Variants in RSL24D1 observed in about 807,000 individuals in gnomAD.
RSL24D1 encodes ribosomal L24 domain containing 1, also known as probable ribosome biogenesis protein RLP24.
RSL24D1 carries 6 observed loss-of-function variants against 26.2 expected under a neutral mutation model. That is an observed-to-expected ratio of 0.23 (90% confidence interval 0.13 to 0.45). The LOEUF (loss-of-function observed/expected upper bound fraction) is 0.45. RSL24D1 is among the 20% of genes least tolerant of loss of function. The pLI, the probability that RSL24D1 is intolerant of heterozygous loss-of-function variation, is 0.99. For missense variants in RSL24D1, 176 were observed against 202.6 expected (o/e 0.87, Z 0.80); for synonymous variants, 61 against 59.1 (o/e 1.03, Z -0.15).
intron 4 of RSL24D1, among the ~76,000 whole-genome samples, chr15:55,184,873 C>T (rs912836698): frequency 1.3e-5 from 2 of 152,056 alleles, no homozygotes; most frequent in African/African-American, 4.8e-5. Flanking sequence ...AATTGAAGAA[C>T]GTTCTATACA....
At chr15:55,190,759 T>A (rs1346980990) in intron 3 of RSL24D1, among the ~76,000 whole-genome samples, 1 of 152,022 alleles carries the variant, frequency 6.6e-6, no homozygotes, top group Non-Finnish European at 1.5e-5. Context: ...AAGTTAATAA[T>A]TACATTATTT....
At chr15:55,196,734 G>T in intron 1 of RSL24D1, 76 bp downstream of exon 1, 2 of 1,398,286 alleles carry the variant, frequency 1.4e-6, no homozygotes, top group Non-Finnish European at 2.0e-6. Flanking sequence ...AGACGCAGAA[G>T]CACCCAGCAC....
rs1894189951 is a variant in RSL24D1 at position 55,183,306 on chromosome 15, AG to A, written c.418+8del. On this transcript the variant is annotated splice_region_variant and intron_variant, in intron 5 of 5. Coordinates refer to ENST00000260443, the MANE Select transcript of RSL24D1 (RefSeq NM_016304.3). ...CCACAAAAATCTAGATGTGCAATGT[AG>A]TACTCACCTGCAAGAGGGGCTCGGA... 6.2e-7 allele frequency: 1 copy of A among 1,608,702 alleles called. No individual in the cohort carries two copies.
intron 3 of RSL24D1, among the ~76,000 whole-genome samples, chr15:55,188,194 C>G (rs906349047): frequency 1.3e-5 from 2 of 152,146 alleles, no homozygotes; most frequent in Admixed American, 6.5e-5. Flanking sequence ...TGTGGAGAAT[C>G]AATGAATCTC....
At chr15:55,184,044 T>G (rs1245999397) in intron 4 of RSL24D1, among the ~76,000 whole-genome samples, 1 of 152,220 alleles carries the variant, frequency 6.6e-6, no homozygotes, top group Non-Finnish European at 1.5e-5. Flanking sequence ...TCACATGATA[T>G]TCAATAGAAA....
intron 3 of RSL24D1, among the ~76,000 whole-genome samples, chr15:55,188,523 T>G (rs1894248337): frequency 1.3e-5 from 2 of 152,244 alleles, no homozygotes. Context: ...ACTCAGTAAG[T>G]GCACCTAGAG....
At chr15:55,194,145 G>A (rs1475612575) in intron 1 of RSL24D1, 1 of 152,030 alleles carries the variant, frequency 6.6e-6, no homozygotes, top group African/African-American at 2.4e-5. Flanking sequence ...TTAACTAATA[G>A]GTATTACCTG....
intron 1 of RSL24D1, among the ~76,000 whole-genome samples, chr15:55,194,570 C>G (rs1347677336): frequency 6.6e-6 from 1 of 152,090 alleles, no homozygotes. Flanking sequence ...CAAAGTTCTT[C>G]AAACCTTTCT....
intron 1 of RSL24D1, chr15:55,196,320 G>A (rs1307621149): frequency 2.2e-6 from 1 of 456,568 alleles, no homozygotes; most frequent in East Asian, 6.9e-5. Context: ...CCTCTATGCT[G>A]AGTCTTTCCG....
rs777526919 is a variant in RSL24D1, at chr15:55,196,880, T to C, written c.11A>G (p.Glu4Gly). The change falls in exon 1 of 6, where the codon GAA becomes GGA. Residue 4 changes from glutamate (E) to glycine (G), a missense_variant. Glu to Gly is a moderately conservative substitution (Grantham distance 98, BLOSUM62 -2). This residue lies in a region of RSL24D1 where 44 missense variants were observed against 28.8 expected (regional missense o/e 1.53). Coordinates refer to ENST00000260443, the MANE Select transcript of RSL24D1 (RefSeq NM_016304.3). ...GGGCCCCGAACAGAAATAACACTTT[T>C]CGATACGCATGTTGAACCCGCGTGT... is the stretch of plus-strand genomic sequence containing the variant. MRI[E>G]KCYFCSGPIY... 1 of 1,614,126 alleles carries C rather than the reference T, an allele frequency of 6.2e-7. No homozygotes were observed. The highest frequency in any genetic ancestry group is 1.1e-5 in the South Asian group (1 of 91,084).
chr15:55,183,243 A>C, intron 5 of RSL24D1, 72 bp downstream of exon 5: 1 of 1,090,572 alleles, frequency 9.2e-7, no homozygotes, highest in Non-Finnish European at 1.3e-6. Context: ...ATTTATAGGA[A>C]AAAATACCCA....
intron 2 of RSL24D1, 29 bp from the exon 3 acceptor site, chr15:55,191,076 TA>T (rs1894292377): frequency 1.4e-6 from 2 of 1,473,670 alleles, no homozygotes; most frequent in Non-Finnish European, 1.9e-6. Context: ...GAGATAAAAA[TA>T]AGGTTTTAAG....
At chr15:55,186,235 C>T (rs1010544391) in intron 3 of RSL24D1, among the ~76,000 whole-genome samples, 1 of 152,160 alleles carries the variant, frequency 6.6e-6, no homozygotes, top group African/African-American at 2.4e-5. Flanking sequence ...GTAGCTCAGA[C>T]ACTTCTGATC....
At position 55,185,416 on chromosome 15, in the gene RSL24D1, A is replaced by G; in HGVS notation, c.278T>C (p.Met93Thr). Residue 93 changes from methionine (M) to threonine (T), a missense_variant, in exon 4 of 6, where the codon ATG (methionine) becomes ACG (threonine). Coordinates refer to ENST00000260443, the MANE Select transcript of RSL24D1 (RefSeq NM_016304.3). ...CTGTTTGATTTCTTCAACTCTCTTC[A>G]TCGCATCAACTACAAAAAAATTCAT... ...RELWNKTIDA[M>T]KRVEEIKQKR... 1 of 1,607,758 alleles carries G rather than the reference A, an allele frequency of 6.2e-7. No homozygotes were observed. Among genetic ancestry groups the G allele is most frequent in the Non-Finnish European group, 8.5e-7 (1 of 1,177,748 alleles).
intron 1 of RSL24D1, chr15:55,196,222 T>C: frequency 4.7e-6 from 2 of 421,838 alleles, no homozygotes; most frequent in South Asian, 3.4e-5. Context: ...CTCCGTTCTC[T>C]GCCTTTTCTC....
intron 1 of RSL24D1, chr15:55,196,583 C>T (rs915910243): frequency 1.2e-5 from 7 of 594,122 alleles, no homozygotes; most frequent in African/African-American, 5.6e-5. Context: ...TCGCTGCCAA[C>T]GCCACCCAAG....
chr15:55,184,261 TGAG>T (rs59761580), intron 4 of RSL24D1, among the ~76,000 whole-genome samples: 3,042 of 152,212 alleles, frequency 0.02, 113 homozygotes, highest in African/African-American at 0.07. Flanking sequence ...ACTCAAAGAA[TGAG>T]GAGAATTGTC....
At chr15:55,183,626 A>G (rs1250990227) in intron 4 of RSL24D1, among the ~76,000 whole-genome samples, 1 of 152,120 alleles carries the variant, frequency 6.6e-6, no homozygotes, top group South Asian at 2.1e-4. Flanking sequence ...GTCCTCTCAC[A>G]TTACTCCCAA....
chr15:55,184,346 A>G (rs1455088161), intron 4 of RSL24D1, among the ~76,000 whole-genome samples: 1 of 152,234 alleles, frequency 6.6e-6, no homozygotes, highest in Admixed American at 6.5e-5. Context: ...TTCAAAATAA[A>G]TAATGACAAT....
Sources: allele counts gnomAD v4.1 joint callset (sites outside exome capture counted in the v4.1 genomes callset), GRCh38; gene constraint gnomAD v4.1.1; regional missense constraint gnomAD v4.1.1; transcripts MANE v1.5; gene names NCBI Gene and HGNC (gene_info 2026-07-23, HGNC 2026-07-21).